Variants in RAB21 observed in about 807,000 individuals in gnomAD.
RAB21 encodes ras-related protein Rab-21.
In RAB21, 13 loss-of-function variants were observed where a neutral mutation model predicts 33.1. The ratio of observed to expected loss-of-function variants is 0.39; its 90% CI spans 0.26 to 0.62. The LOEUF (loss-of-function observed/expected upper bound fraction) is 0.62. RAB21 is among the 20% of genes least tolerant of loss of function. The pLI is 0.48. For synonymous variants in RAB21, 91 were observed against 103.7 expected (o/e 0.88, Z 0.74); for missense variants, 234 against 279.1 (o/e 0.84, Z 1.15).
chr12:71,773,628 T>C (rs1404356502), intron 3 of RAB21, among the ~76,000 whole-genome samples: 2 of 152,190 alleles, frequency 1.3e-5, no homozygotes, highest in Non-Finnish European at 2.9e-5. Context: ...AAAGTGACAC[T>C]GTTATCTATA....
At chr12:71,785,352 A>G (rs954920597) in intron 6 of RAB21, among the ~76,000 whole-genome samples, 179 bp from the exon 7 acceptor site, 6 of 152,196 alleles carry the variant, frequency 3.9e-5, no homozygotes, top group African/African-American at 1.4e-4. Flanking sequence ...AGTTTTTGAC[A>G]CTAGTTTTTT....
At chr12:71,758,075 C>G (rs984991491) in intron 1 of RAB21, among the ~76,000 whole-genome samples, 7 of 151,882 alleles carry the variant, frequency 4.6e-5, no homozygotes, top group Non-Finnish European at 7.4e-5. Flanking sequence ...CTCTATCACC[C>G]AGGCTGGAGT....
chr12:71,755,506 C>G (rs1882771999), intron 1 of RAB21, among the ~76,000 whole-genome samples: 2 of 152,166 alleles, frequency 1.3e-5, no homozygotes, highest in South Asian at 4.1e-4. Context: ...TGGAAGGGCC[C>G]TGAAAAGTCC....
chr12:71,763,130 A>AG (rs1416751413), intron 1 of RAB21, among the ~76,000 whole-genome samples: 2 of 132,414 alleles, frequency 1.5e-5, no homozygotes, highest in African/African-American at 2.8e-5. Context: ...CACACACACA[A>AG]TCTTACTATC....
chr12:71,781,719 T>A (rs1883203871), intron 4 of RAB21, among the ~76,000 whole-genome samples: 1 of 152,182 alleles, frequency 6.6e-6, no homozygotes, highest in Admixed American at 6.5e-5. Context: ...CTAAGAATCA[T>A]AGGTTTATCT....
At chr12:71,769,565 T>C (rs1406129217) in intron 1 of RAB21, among the ~76,000 whole-genome samples, 3 of 152,200 alleles carry the variant, frequency 2.0e-5, no homozygotes, top group Non-Finnish European at 4.4e-5. Flanking sequence ...AAAAAAATAC[T>C]TATTTTCTGT....
At chr12:71,778,328 T>C (rs1883150429) in intron 4 of RAB21, among the ~76,000 whole-genome samples, 3 of 152,216 alleles carry the variant, frequency 2.0e-5, no homozygotes, top group Admixed American at 2.0e-4. Flanking sequence ...AACAAATATT[T>C]ATTATTAATC....
chr12:71,795,553 T>A lies in RAB21; in HGVS notation c.*9880T>A, dbSNP rs1356957417. On this transcript the variant is annotated 3_prime_UTR_variant, in exon 7 of 7. Transcript: ENST00000261263. ...TGGGCAAAAGAAGAAAAAAAAAGCCTTTATTTGTGATCAGTAAATTATAAA... is the reference window on the plus strand; with the variant it reads ...TGGGCAAAAGAAGAAAAAAAAAGCCATTATTTGTGATCAGTAAATTATAAA... 2 of 137,806 alleles carry A rather than the reference T, an allele frequency of 1.5e-5. No individual in the cohort carries two copies. The highest frequency in any genetic ancestry group is 1.5e-4 in the Admixed American group (2 of 13,488). The allele number at this position is 137,806 out of a possible 1,614,324, so 8.5% of individuals were successfully genotyped here.
In RAB21 at chr12:71,794,832, G is replaced by C. The variant is rs1883446009; in HGVS notation, c.*9159G>C. The stretch of plus-strand genomic sequence containing the variant: ...AGCCCCTGTAATCCCAGCTACTTGG[G>C]AGGCTGAGGCAGGAGAATTGCTTGA... On this transcript the variant is annotated 3_prime_UTR_variant, in exon 7 of 7. Transcript: ENST00000261263. The C allele has an allele frequency of 1.3e-5, 2 of 150,022 alleles. No homozygotes were observed. The highest frequency in any genetic ancestry group is 3.0e-5 in the Non-Finnish European group (2 of 67,726). 9.3% of individuals were successfully genotyped at this position (150,022 alleles called of 1,614,324 possible). A position where few individuals can be genotyped will look rare whatever the true frequency, so the allele number is the denominator to read the frequency against.
chr12:71,759,845 C>G (rs993260264), intron 1 of RAB21, among the ~76,000 whole-genome samples: 2 of 152,190 alleles, frequency 1.3e-5, no homozygotes, highest in Non-Finnish European at 2.9e-5. Context: ...AATTCTTACT[C>G]CCACTTCATA....
chr12:71,773,863 T>G lies in RAB21; in HGVS notation c.328-96T>G, dbSNP rs1883078920. On this transcript the variant is annotated intron_variant, in intron 3 of 6. Transcript: ENST00000261263. ...AACTAAATAATATAGACTCTTAAAA[T>G]TCTGAGGTATTTTGACAGTGTTGAG... 9 of 795,718 alleles carry G rather than the reference T, an allele frequency of 1.1e-5. No individual in the cohort carries two copies. The South Asian group carries it at 1.5e-4, about 13-fold the overall frequency. The allele number at this position is 795,718 out of a possible 1,614,324, so 49.3% of individuals were successfully genotyped here.
chr12:71,772,588 TGATCA>T (rs1192514136), intron 3 of RAB21, among the ~76,000 whole-genome samples: 1 of 152,100 alleles, frequency 6.6e-6, no homozygotes, highest in Non-Finnish European at 1.5e-5. Context: ...TTAAAAAAAT[TGATCA>T]GATTAGTAGG....
intron 1 of RAB21, among the ~76,000 whole-genome samples, chr12:71,764,792 C>G (rs1321097113): frequency 6.6e-6 from 1 of 152,170 alleles, no homozygotes; most frequent in Non-Finnish European, 1.5e-5. Context: ...TTATTTCATT[C>G]CTTTTTATGG....
rs1217471800 is a variant in RAB21 at position 71,794,421 on chromosome 12, ATATATATTTTTTTTTTTTT to A, written c.*8750_*8768del. The A allele has an allele frequency of 3.8e-5, 2 of 53,122 alleles. No homozygotes were observed. The highest frequency in any genetic ancestry group is 1.1e-4 in the African/African-American group (1 of 9,284). The allele number at this position is 53,122 out of a possible 1,614,324, so 3.3% of individuals were successfully genotyped here. On this transcript the variant is annotated 3_prime_UTR_variant, in exon 7 of 7. Coordinates refer to ENST00000261263, the MANE Select transcript of RAB21 (RefSeq NM_014999.4). ...ATATATATATTATATATATATATATATATATATTTTTTTTTTTTTTTTTTTTTTTTTTTTTGAGACGGAG... is the reference window on the plus strand; with the variant it reads ...ATATATATATTATATATATATATATATTTTTTTTTTTTTTTTGAGACGGAG...
In RAB21 at chr12:71,794,078, C is replaced by G. The variant is rs1488820748; in HGVS notation, c.*8405C>G. On this transcript the variant is annotated 3_prime_UTR_variant, in exon 7 of 7. Transcript: ENST00000261263. ...TATCCAAAAATATACAAAAATTAGC[C>G]AGGTGTGGTGGTGTGTGCCTGTAGT... The G allele has an allele frequency of 6.6e-6, 1 of 151,838 alleles. No individual in the cohort carries two copies. The highest frequency in any genetic ancestry group is 1.5e-5 in the Non-Finnish European group (1 of 68,062). 9.4% of individuals were successfully genotyped at this position (151,838 alleles called of 1,614,324 possible).
intron 4 of RAB21, among the ~76,000 whole-genome samples, chr12:71,780,656 C>T (rs935610816): frequency 6.6e-6 from 1 of 152,188 alleles, no homozygotes; most frequent in Non-Finnish European, 1.5e-5. Flanking sequence ...GCTATGGTGG[C>T]AGATAGTTTC....
At chr12:71,767,235 T>C (rs1882974753) in intron 1 of RAB21, among the ~76,000 whole-genome samples, 1 of 152,158 alleles carries the variant, frequency 6.6e-6, no homozygotes, top group African/African-American at 2.4e-5. Context: ...TGTGTATCCA[T>C]AGTTCCTTAA....
chr12:71,766,533 C>T (rs1363863263), intron 1 of RAB21, among the ~76,000 whole-genome samples: 1 of 152,084 alleles, frequency 6.6e-6, no homozygotes, highest in Non-Finnish European at 1.5e-5. Flanking sequence ...CTGCCCATTT[C>T]ATTGTAAGTG....
At chr12:71,760,993 A>G (rs1028140469) in intron 1 of RAB21, among the ~76,000 whole-genome samples, 1 of 151,682 alleles carries the variant, frequency 6.6e-6, no homozygotes, top group African/African-American at 2.4e-5. Context: ...TTGCTTGAGG[A>G]CACAAGTTCA....
Sources: gnomAD v4.1 joint callset for allele counts (sites outside exome capture counted in the v4.1 genomes callset) on GRCh38, gnomAD v4.1.1 for gene constraint, MANE v1.5 for transcripts, NCBI Gene and HGNC (gene_info 2026-07-23, HGNC 2026-07-21) for gene names.